The following SMG1 variants were observed in gnomAD, a reference collection of about 807,000 sequenced individuals.
SMG1 encodes serine/threonine-protein kinase SMG1.
A neutral mutation model predicts 419.9 loss-of-function variants in SMG1; 22 were observed. The ratio of observed to expected loss-of-function variants is 0.05; its 90% CI spans 0.04 to 0.07. SMG1 has a LOEUF of 0.07. SMG1 is among the 10% of genes least tolerant of loss of function. SMG1 has a pLI of 1.00. For synonymous variants in SMG1, 1,538 were observed against 1,553.5 expected (o/e 0.99, Z 0.23); for missense variants, 3,185 against 4,342.0 (o/e 0.73, Z 7.49).
chr16:18,817,197 G>T, intron 57 of SMG1, 94 bp downstream of exon 57: 20 of 969,372 alleles, frequency 2.1e-5, no homozygotes, highest in East Asian at 6.6e-5. Flanking sequence ...TACAGTATAT[G>T]CTCAACGAAT....
At chr16:18,909,070 C>T (rs2037692270) in intron 1 of SMG1, among the ~76,000 whole-genome samples, 1 of 150,678 alleles carries the variant, frequency 6.6e-6, no homozygotes, top group African/African-American at 2.5e-5. Context: ...TGGCCAGGCA[C>T]GGTGGCTCAC....
chr16:18,925,170 CATTT>C (rs1567472372), intron 1 of SMG1: 1 of 152,196 alleles, frequency 6.6e-6, no homozygotes, highest in Non-Finnish European at 1.5e-5. Flanking sequence ...CAGGAAACTA[CATTT>C]ATTTAAAAAG....
chr16:18,863,613 G>A, intron 25 of SMG1, 37 bp downstream of exon 25: 1 of 1,545,676 alleles, frequency 6.5e-7, no homozygotes, highest in Non-Finnish European at 8.8e-7. Flanking sequence ...CATAGTTATT[G>A]GAAATTTGTT....
chr16:18,914,122 T>C (rs796114767), intron 1 of SMG1, among the ~76,000 whole-genome samples: 1 of 150,750 alleles, frequency 6.6e-6, no homozygotes, highest in South Asian at 2.1e-4. Context: ...GCCTAGATCG[T>C]GCCCTTGCAC....
chr16:18,907,155 G>A (rs1457497451), intron 1 of SMG1, among the ~76,000 whole-genome samples: 3 of 151,938 alleles, frequency 2.0e-5, no homozygotes, highest in Admixed American at 6.6e-5. Flanking sequence ...GGTGGCAGGC[G>A]CCTGTAATCC....
chr16:18,866,432 A>G lies in SMG1; in HGVS notation c.3350+189T>C, dbSNP rs60842123. ...GATTTGCCACTAATTCTTCAGTAAG[A>G]AAGGCACTCAAGTATTGCTGCTAAC... On this transcript the variant is annotated intron_variant, in intron 23 of 62. Coordinates refer to ENST00000446231, the MANE Select transcript of SMG1 (RefSeq NM_015092.5). 6.6e-3 allele frequency: 4,101 copies of G among 617,510 alleles called. 132 individuals carry two copies. The highest frequency in any genetic ancestry group is 0.065 in the African/African-American group (3,541 of 54,488). The allele number at this position is 617,510 out of a possible 1,614,324, so 38.3% of individuals were successfully genotyped here. A position where few individuals can be genotyped will look rare whatever the true frequency, so the allele number is the denominator to read the frequency against.
At chr16:18,915,189 G>T (rs1489428120) in intron 1 of SMG1, among the ~76,000 whole-genome samples, 2 of 152,054 alleles carry the variant, frequency 1.3e-5, no homozygotes, top group African/African-American at 2.4e-5. Flanking sequence ...TGGCCAGGAT[G>T]GTCTTGATCC....
rs374811090 is a variant in SMG1 at position 18,871,445 on chromosome 16, A to T, written c.2221T>A (p.Leu741Ile). Reference sequence around the variant, plus strand: ...GCGTATGTTTCAGACTTCTTCATTAAAACAGCTGCTTCCAAAGCCCAAGTC... The same window carrying T: ...GCGTATGTTTCAGACTTCTTCATTATAACAGCTGCTTCCAAAGCCCAAGTC... ...LMTWALEAAV[L>I]MKKSETYAPL... The change falls in exon 16 of 63, where the codon TTA becomes ATA. Residue 741 changes from leucine to isoleucine, a missense_variant. Leu to Ile is a conservative substitution (Grantham distance 5, BLOSUM62 2). This residue lies in a region of SMG1 where 297 missense variants were observed against 491.0 expected (regional missense o/e 0.60). Transcript: ENST00000446231. 2 of 1,601,914 alleles carry T rather than the reference A, an allele frequency of 1.2e-6. No homozygotes were observed. Among genetic ancestry groups the T allele is most frequent in the East Asian group, 2.2e-5 (1 of 44,538 alleles).
At chr16:18,925,277 T>C (rs1027635976) in intron 1 of SMG1, 11 of 152,164 alleles carry the variant, frequency 7.2e-5, no homozygotes, top group African/African-American at 2.2e-4. Context: ...GACTTCTAAG[T>C]GGGTGCCCAA....
intron 1 of SMG1, among the ~76,000 whole-genome samples, chr16:18,919,634 A>AAGTGTG (rs1555507747): frequency 1.6e-5 from 2 of 124,660 alleles, no homozygotes; most frequent in Admixed American, 1.7e-4. Flanking sequence ...AAAAAAAAAA[A>AAGTGTG]TGTGTGTGTG....
At position 18,894,979 on chromosome 16, in the gene SMG1, G is replaced by A. The variant is rs550940289; in HGVS notation, c.412+1073C>T. ...GCTACAGGCGCCCACCACCGCACCC[G>A]GCTAATTTTTTGTATTTTCAGTAGA... On this transcript the variant is annotated intron_variant, in intron 3 of 62. Coordinates refer to ENST00000446231, the MANE Select transcript of SMG1 (RefSeq NM_015092.5). Among the ~76,000 whole-genome samples, 268 of 151,946 alleles carry A rather than the reference G, an allele frequency of 1.8e-3. 1 individual carries two copies. Among genetic ancestry groups the A allele is most frequent in the Non-Finnish European group, 2.5e-3 (173 of 67,964 alleles).
At chr16:18,865,361 G>C (rs1210307482) in intron 23 of SMG1, among the ~76,000 whole-genome samples, 3 of 152,124 alleles carry the variant, frequency 2.0e-5, no homozygotes, top group Non-Finnish European at 4.4e-5. Flanking sequence ...ATGAAGGGAA[G>C]GGGGTACTCT....
chr16:18,882,397 A>G, intron 9 of SMG1, 59 bp from the exon 10 acceptor site: 6 of 972,592 alleles, frequency 6.2e-6, no homozygotes, highest in Non-Finnish European at 8.5e-6. Context: ...TAAAAAAAAA[A>G]AAAACTCTAA....
At chr16:18,833,269 T>C in intron 50 of SMG1, 103 bp from the exon 51 acceptor site, 2 of 699,666 alleles carry the variant, frequency 2.9e-6, no homozygotes, top group Non-Finnish European at 4.7e-6. Flanking sequence ...TATGTAACTA[T>C]GCCATCAACT....
At chr16:18,875,735 T>A in intron 13 of SMG1, 1 of 265,184 alleles carries the variant, frequency 3.8e-6, no homozygotes, top group Non-Finnish European at 7.0e-6. Context: ...AAGAACTAAC[T>A]TCAGTAGACA....
rs765771626 is a variant in SMG1 at position 18,816,372 on chromosome 16, A to G, written c.10232T>C (p.Ile3411Thr). The stretch of plus-strand genomic sequence containing the variant: ...GTTATGACCAGTGAGCACAGTCTTT[A>G]TATTATCAACCAGATTCTGAATTGT... ...CETIQNLVDNIKTVLTGHNRQ... is the reference protein window; with the variant it reads ...CETIQNLVDNTKTVLTGHNRQ... Residue 3411 changes from isoleucine (I) to threonine (T), a missense_variant, in exon 58 of 63, where the codon ATA (isoleucine) becomes ACA (threonine). Around this residue, in one of 27 missense-constraint regions of SMG1, gnomAD observed 737 missense variants for 846.6 expected, o/e 0.87. Coordinates refer to ENST00000446231, the MANE Select transcript of SMG1 (RefSeq NM_015092.5). 2 of 1,613,974 alleles carry G rather than the reference A, an allele frequency of 1.2e-6. No homozygotes were observed. Among genetic ancestry groups the G allele is most frequent in the Middle Eastern group, 1.6e-4 (1 of 6,062 alleles).
At chr16:18,872,979 C>A (rs1218645048) in intron 13 of SMG1, among the ~76,000 whole-genome samples, 1 of 151,934 alleles carries the variant, frequency 6.6e-6, no homozygotes, top group Non-Finnish European at 1.5e-5. Flanking sequence ...CACAGCGGGA[C>A]CCCATCTCTA....
At chr16:18,855,907 G>C (rs907074804) in intron 29 of SMG1, among the ~76,000 whole-genome samples, 5 of 152,130 alleles carry the variant, frequency 3.3e-5, no homozygotes, top group African/African-American at 1.2e-4. Context: ...CCAAACTCCT[G>C]AATTCAGCTT....
rs755672458 is a variant in SMG1 at position 18,835,079 on chromosome 16, C to T, written c.8143G>A (p.Ala2715Thr). The T allele has an allele frequency of 6.2e-7, 1 of 1,614,006 alleles. No individual in the cohort carries two copies. The highest frequency in any genetic ancestry group is 2.2e-5 in the East Asian group (1 of 44,878). The change falls in exon 49 of 63, where the codon GCA becomes ACA. Residue 2715 changes from alanine to threonine, a missense_variant. By Grantham distance (58) the Ala-to-Thr change is moderately conservative (BLOSUM62 0). Around this residue, in one of 27 missense-constraint regions of SMG1, gnomAD observed 412 missense variants for 546.6 expected, o/e 0.75. Coordinates refer to ENST00000446231, the MANE Select transcript of SMG1 (RefSeq NM_015092.5). ...ATEMTLQRYA[A>T]DINSRLIRQV... is the part of the protein sequence containing the mutation. ...CTAATAAGTCTGCTGTTGATGTCTGCTGCGTATCGCTGCAGGGTCATTTCA... is the reference window on the plus strand; with the variant it reads ...CTAATAAGTCTGCTGTTGATGTCTGTTGCGTATCGCTGCAGGGTCATTTCA...
Sources: gnomAD v4.1 joint callset for allele counts (sites outside exome capture counted in the v4.1 genomes callset) on GRCh38, gnomAD v4.1.1 for gene constraint, gnomAD v4.1.1 regional missense constraint, MANE v1.5 for transcripts, NCBI Gene and HGNC (gene_info 2026-07-23, HGNC 2026-07-21) for gene names.